Variants in PDE1C observed in about 807,000 individuals in gnomAD.
PDE1C encodes the protein phosphodiesterase 1C, also known as dual specificity calcium/calmodulin-dependent 3',5'-cyclic nucleotide phosphodiesterase 1C.
In PDE1C, 62 loss-of-function variants were observed where a neutral mutation model predicts 93.1. That is an observed-to-expected ratio of 0.67 (90% confidence interval 0.54 to 0.82). The LOEUF (loss-of-function observed/expected upper bound fraction) is 0.82, where lower values mean the gene tolerates loss of function less well. Among genes scored for constraint, PDE1C ranks in the 40% least tolerant of loss-of-function variants. The pLI, the probability that PDE1C is intolerant of heterozygous loss-of-function variation, is 0.00. For synonymous variants in PDE1C, 325 were observed against 310.1 expected (o/e 1.05, Z -0.50); for missense variants, 742 against 884.6 (o/e 0.84, Z 2.04).
chr7:31,847,490 T>C (rs1463886428), intron 9 of PDE1C, among the ~76,000 whole-genome samples: 1 of 151,690 alleles, frequency 6.6e-6, no homozygotes, highest in Non-Finnish European at 1.5e-5. Flanking sequence ...TGTTATTAAA[T>C]AAAAGATAAA....
intron 2 of PDE1C, among the ~76,000 whole-genome samples, chr7:31,992,341 G>A (rs961810044): frequency 6.6e-6 from 1 of 152,252 alleles, no homozygotes; most frequent in Non-Finnish European, 1.5e-5. Flanking sequence ...TGGCAACAAT[G>A]AAGGAGGCAC....
chr7:31,687,437 G>A, the PDE1C span: 1 of 152,292 alleles, frequency 6.6e-6, no homozygotes, highest in Non-Finnish European at 1.5e-5. Context: ...CTAAGCTGGG[G>A]CCGAGTGGAC....
chr7:32,071,376 C>T (rs1229511203), upstream of PDE1C: 5 of 985,360 alleles, frequency 5.1e-6, no homozygotes, highest in Admixed American at 6.1e-5. Flanking sequence ...AATATTGAAG[C>T]GACTGATGGG....
chr7:31,645,369 C>T, the PDE1C span, among the ~76,000 whole-genome samples: 7 of 152,070 alleles, frequency 4.6e-5, no homozygotes, highest in African/African-American at 1.4e-4. Context: ...TTTTTAATTG[C>T]AAGACTCCCA....
rs559279222 is a variant in PDE1C, at chr7:31,966,099, C to T, written c.129-85239G>A. On this transcript the variant is annotated intron_variant, in intron 2 of 17. Transcript: ENST00000396191. The stretch of plus-strand genomic sequence containing the variant: ...CATCATAATGACAGGATCAAATTCA[C>T]ACGTAAGAATACTAACCTTAAATGT... Among the ~76,000 whole-genome samples the T allele has an allele frequency of 4.6e-5, 7 of 152,288 alleles. No individual in the cohort carries two copies. The East Asian group carries it at 1.2e-3, about 25-fold the overall frequency.
the PDE1C span, among the ~76,000 whole-genome samples, chr7:31,695,064 G>T: frequency 6.6e-6 from 1 of 152,152 alleles, no homozygotes; most frequent in Non-Finnish European, 1.5e-5. Context: ...GGGAGATTTA[G>T]GTTCCATACT....
rs1791415021 is a variant in PDE1C at position 31,838,601 on chromosome 7, A to G, written c.981-630T>C. On this transcript the variant is annotated intron_variant, in intron 9 of 17. Coordinates refer to ENST00000396191, the MANE Select transcript of PDE1C (RefSeq NM_001191057.4). ...CAGTTCTACCAGTTTTGACAAATGC[A>G]TAATGCCATGTATCCACCATCACAA... Among the ~76,000 whole-genome samples the G allele has an allele frequency of 3.3e-5, 5 of 152,184 alleles. No homozygotes were observed. In the South Asian group the frequency reaches 1.0e-3, roughly 32 times the overall value.
At chr7:31,775,022 C>A (rs980496887) in intron 17 of PDE1C, among the ~76,000 whole-genome samples, 1 of 152,140 alleles carries the variant, frequency 6.6e-6, no homozygotes, top group East Asian at 1.9e-4. Flanking sequence ...TAAGCACATG[C>A]ATGGAGACAG....
intron 2 of PDE1C, among the ~76,000 whole-genome samples, chr7:31,926,774 T>C (rs1180615101): frequency 6.6e-6 from 1 of 152,170 alleles, no homozygotes; most frequent in Non-Finnish European, 1.5e-5. Flanking sequence ...GCTATGCTTT[T>C]CCCATGGCTT....
intron 1 of PDE1C, among the ~76,000 whole-genome samples, chr7:32,063,973 A>G (rs148056752): frequency 6.6e-6 from 1 of 152,368 alleles, no homozygotes; most frequent in African/African-American, 2.4e-5. Flanking sequence ...CACCTAGTAC[A>G]TAATGGAAAC....
At position 31,799,769 on chromosome 7, in the gene PDE1C, C is replaced by T. The variant is rs964449284; in HGVS notation, c.1891+9262G>A. 9.9e-5 allele frequency among the ~76,000 whole-genome samples: 15 copies of T among 151,618 alleles called. No individual in the cohort carries two copies. The South Asian group carries it at 3.1e-3, about 32-fold the overall frequency. Reference sequence around the variant, plus strand: ...GCAAACTAACAAGAATACTGGCTACCCTGCCTCCTCCATTTTTTCTGTACT... The same window carrying T: ...GCAAACTAACAAGAATACTGGCTACTCTGCCTCCTCCATTTTTTCTGTACT... On this transcript the variant is annotated intron_variant, in intron 16 of 17. Coordinates refer to ENST00000396191, the MANE Select transcript of PDE1C (RefSeq NM_001191057.4).
At chr7:31,847,907 C>T (rs1792831547) in intron 9 of PDE1C, 61 bp downstream of exon 9, 1 of 1,575,704 alleles carries the variant, frequency 6.3e-7, no homozygotes, top group South Asian at 1.1e-5. Flanking sequence ...AAACAGCATA[C>T]TTCATCCAAC....
chr7:32,012,178 C>T (rs1478601983), intron 2 of PDE1C, among the ~76,000 whole-genome samples: 1 of 152,188 alleles, frequency 6.6e-6, no homozygotes, highest in Non-Finnish European at 1.5e-5. Context: ...CATGGTTCTG[C>T]AGGCTGTACA....
At chr7:32,274,141 C>T (rs1404457189) in intron 1 of PDE1C, among the ~76,000 whole-genome samples, 1 of 151,954 alleles carries the variant, frequency 6.6e-6, no homozygotes, top group Non-Finnish European at 1.5e-5. Context: ...TAGAACATTT[C>T]ATTCAAATGA....
At chr7:32,282,279 C>T (rs2128892843) in intron 1 of PDE1C, among the ~76,000 whole-genome samples, 1 of 151,912 alleles carries the variant, frequency 6.6e-6, no homozygotes, top group South Asian at 2.1e-4. Flanking sequence ...GAGTTCGAGA[C>T]CAGCCTGACT....
chr7:31,915,380 T>C (rs1801752807), intron 2 of PDE1C, among the ~76,000 whole-genome samples: 2 of 152,180 alleles, frequency 1.3e-5, no homozygotes, highest in South Asian at 4.1e-4. Flanking sequence ...TGTCAAGATG[T>C]GGCTGTATCT....
At chr7:31,929,548 C>T (rs548067808) in intron 2 of PDE1C, among the ~76,000 whole-genome samples, 1 of 152,280 alleles carries the variant, frequency 6.6e-6, no homozygotes, top group Middle Eastern at 3.4e-3. Flanking sequence ...GTAAAACACT[C>T]CTCAGCAAAT....
chr7:32,240,582 C>A (rs556828453), intron 1 of PDE1C, among the ~76,000 whole-genome samples: 1 of 152,180 alleles, frequency 6.6e-6, no homozygotes, highest in African/African-American at 2.4e-5. Context: ...GAAAAGAATG[C>A]AGGGATTTAG....
chr7:31,984,807 T>C (rs1783149859), intron 2 of PDE1C, among the ~76,000 whole-genome samples: 1 of 152,204 alleles, frequency 6.6e-6, no homozygotes, highest in Admixed American at 6.5e-5. Flanking sequence ...AATTAAATGT[T>C]GACACAAATG....
Sources: gnomAD v4.1 joint callset for allele counts (sites outside exome capture counted in the v4.1 genomes callset) on GRCh38, gnomAD v4.1.1 for gene constraint, MANE v1.5 for transcripts, NCBI Gene and HGNC (gene_info 2026-07-23, HGNC 2026-07-21) for gene names.